WDR72: variants seen among roughly 807,000 people sequenced by gnomAD.
WDR72 encodes WD repeat-containing protein 72.
WDR72 carries 120 observed loss-of-function variants against 124.2 expected under a neutral mutation model. The observed-to-expected ratio is 0.97, with a 90% CI of 0.83 to 1.12. WDR72 has a LOEUF of 1.12. Among genes scored for constraint, WDR72 ranks in the 50% most tolerant of loss-of-function variants. The probability of loss-of-function intolerance (pLI) is 0.00; values close to 1 mark genes in which losing one functional copy is unlikely to be tolerated. For missense variants in WDR72, 1,387 were observed against 1,278.8 expected (o/e 1.08, Z -1.29); for synonymous variants, 452 against 441.7 (o/e 1.02, Z -0.29).
rs2016854687 is a variant in WDR72, at chr15:53,691,788, T to A, written c.1765+7962A>T. ...TACCATGAGGAAACTAGGGCTCTGG[T>A]CAATTTAGGGATTTGCCAAAGACTG... is the stretch of plus-strand genomic sequence containing the variant. On this transcript the variant is annotated intron_variant, in intron 13 of 19. Transcript: ENST00000360509. 3.3e-5 allele frequency among the ~76,000 whole-genome samples: 5 copies of A among 152,186 alleles called. 1 individual carries two copies. The highest frequency in any genetic ancestry group is 2.0e-4 in the Admixed American group (3 of 15,276).
Position 53,699,837 on chromosome 15 carries a change from C to T in WDR72, c.1678G>A (p.Val560Met), listed in dbSNP as rs369193227. 20 of 1,614,014 alleles carry T rather than the reference C, an allele frequency of 1.2e-5. No individual in the cohort carries two copies. Among genetic ancestry groups the T allele is most frequent in the Non-Finnish European group, 1.7e-5 (20 of 1,180,026 alleles). Reference protein sequence around the residue: ...LLHARKHLFPVRMIKWHPVEN... With the variant: ...LLHARKHLFPMRMIKWHPVEN... Reference sequence around the variant, plus strand: ...ACCGGGTGCCATTTTATCATCCTCACAGGAAAAAGGTGCTTCCGGGCATGC... The same window carrying T: ...ACCGGGTGCCATTTTATCATCCTCATAGGAAAAAGGTGCTTCCGGGCATGC... The change falls in exon 13 of 20, where the codon GTG becomes ATG. Residue 560 changes from valine (V) to methionine (M), a missense_variant. Physicochemically the swap from Val to Met is conservative, Grantham distance 21. Coordinates refer to ENST00000360509, the MANE Select transcript of WDR72 (RefSeq NM_182758.4).
At chr15:53,572,518 G>T (rs1233412789) in intron 18 of WDR72, among the ~76,000 whole-genome samples, 1 of 152,082 alleles carries the variant, frequency 6.6e-6, no homozygotes, top group African/African-American at 2.4e-5. Context: ...GGGATCTAGG[G>T]CTAGGCAAAA....
Position 53,685,635 on chromosome 15 carries a change from C to G in WDR72, c.1765+14115G>C, listed in dbSNP as rs1361174537. 6.1e-5 allele frequency among the ~76,000 whole-genome samples: 9 copies of G among 147,742 alleles called. No individual in the cohort carries two copies. The South Asian group carries it at 1.7e-3, about 28-fold the overall frequency. Reference sequence around the variant, plus strand: ...GAATGGAACCAAGTTGGAAAACACGCTGCAGGATATTATCCAGGAGAACTT... The same window carrying G: ...GAATGGAACCAAGTTGGAAAACACGGTGCAGGATATTATCCAGGAGAACTT... On this transcript the variant is annotated intron_variant, in intron 13 of 19. Transcript: ENST00000360509.
chr15:53,546,504 G>A (rs202007118), intron 18 of WDR72, among the ~76,000 whole-genome samples: 3 of 150,184 alleles, frequency 2.0e-5, no homozygotes, highest in Non-Finnish European at 4.4e-5. Context: ...TCACACTCTG[G>A]GGACTGTGGT....
At chr15:53,676,570 G>A (rs532742557) in intron 13 of WDR72, among the ~76,000 whole-genome samples, 44 of 152,326 alleles carry the variant, frequency 2.9e-4, no homozygotes, top group African/African-American at 1.0e-3. Flanking sequence ...GCCACAGCCA[G>A]CAAGGCCCTC....
At position 53,588,033 on chromosome 15, in the gene WDR72, A is replaced by G. The variant is rs1045419117; in HGVS notation, c.3148+9046T>C. Among the ~76,000 whole-genome samples, 23 of 152,148 alleles carry G rather than the reference A, an allele frequency of 1.5e-4. No homozygotes were observed. In the South Asian group the frequency reaches 1.7e-3, roughly 11 times the overall value. On this transcript the variant is annotated intron_variant, in intron 18 of 19. Transcript: ENST00000360509. ...GATATATTGCTCTTGAACAAAGTAG[A>G]TAAATTTGAAGCAATGCCCCTGGAC...
At chr15:53,658,529 G>C (rs1389509645) in intron 14 of WDR72, among the ~76,000 whole-genome samples, 1 of 152,162 alleles carries the variant, frequency 6.6e-6, no homozygotes, top group Non-Finnish European at 1.5e-5. Context: ...CAGCCACAAA[G>C]AACTCTGCCA....
At chr15:53,657,828 A>G (rs964671214) in intron 14 of WDR72, among the ~76,000 whole-genome samples, 1 of 152,222 alleles carries the variant, frequency 6.6e-6, no homozygotes, top group African/African-American at 2.4e-5. Context: ...GCAATTATAA[A>G]AACAATAACG....
At chr15:53,725,319 G>C (rs1275457279) in intron 2 of WDR72, among the ~76,000 whole-genome samples, 1 of 152,152 alleles carries the variant, frequency 6.6e-6, no homozygotes, top group Non-Finnish European at 1.5e-5. Context: ...TGCTGGCCGG[G>C]ATGTGGAGCA....
chr15:53,601,566 A>C (rs1313046312), intron 17 of WDR72, among the ~76,000 whole-genome samples: 1 of 152,068 alleles, frequency 6.6e-6, no homozygotes, highest in East Asian at 1.9e-4. Context: ...CAGAGTGGTA[A>C]GCTAGATAAA....
intron 14 of WDR72, among the ~76,000 whole-genome samples, chr15:53,641,744 G>T (rs1426957606): frequency 6.6e-6 from 1 of 151,624 alleles, no homozygotes; most frequent in East Asian, 1.9e-4. Flanking sequence ...CTTATGAATG[G>T]AATTTTAATT....
chr15:53,673,282 GA>G (rs984342412), intron 13 of WDR72, among the ~76,000 whole-genome samples: 2 of 151,662 alleles, frequency 1.3e-5, no homozygotes, highest in Non-Finnish European at 2.9e-5. Context: ...CTAAGTCTAT[GA>G]AAAAAAAGAA....
intron 18 of WDR72, among the ~76,000 whole-genome samples, chr15:53,529,164 A>ATATATATATATATATATTTTT (rs59003623): frequency 3.8e-5 from 3 of 78,162 alleles, no homozygotes; most frequent in African/African-American, 1.5e-4. Context: ...ATATATATAT[A>ATATATATATATATATATTTTT]TTTTTTTTTT....
chr15:53,539,770 A>G (rs1037342522), intron 18 of WDR72, among the ~76,000 whole-genome samples: 1 of 152,136 alleles, frequency 6.6e-6, no homozygotes, highest in African/African-American at 2.4e-5. Flanking sequence ...AGTTTCATAT[A>G]TTTGTGTCTA....
chr15:53,740,173 G>A (rs950744069), intron 1 of WDR72, among the ~76,000 whole-genome samples: 2 of 151,952 alleles, frequency 1.3e-5, no homozygotes, highest in African/African-American at 4.8e-5. Flanking sequence ...AAAATTATCC[G>A]CTCTGCATTG....
chr15:53,557,531 G>T (rs190311569), intron 18 of WDR72, among the ~76,000 whole-genome samples: 1 of 152,038 alleles, frequency 6.6e-6, no homozygotes, highest in African/African-American at 2.4e-5. Context: ...TCTGGATGTC[G>T]CAAGAAACAA....
intron 2 of WDR72, among the ~76,000 whole-genome samples, chr15:53,724,716 G>A (rs1321112443): frequency 3.9e-5 from 6 of 152,058 alleles, no homozygotes. Context: ...ATTTGCGTGG[G>A]GACACAGAGC....
In WDR72 at chr15:53,705,159, C is replaced by T. The variant is rs202057135; in HGVS notation, c.1177G>A (p.Asp393Asn). The T allele has an allele frequency of 1.6e-5, 26 of 1,614,012 alleles. No individual in the cohort carries two copies. In the African/African-American group the frequency reaches 3.3e-4, roughly 21 times the overall value. Residue 393 changes from aspartate (D) to asparagine (N), a missense_variant, in exon 11 of 20, where the codon GAC becomes AAC. Coordinates refer to ENST00000360509, the MANE Select transcript of WDR72 (RefSeq NM_182758.4). ...KHDTMSQSII[D>N]YFSGLKDGAG... ...CCATCTTTAAGCCCAGAGAAATAGT[C>T]AATAATACTTTGTGACATAGTATCA...
chr15:53,719,010 C>A (rs1229331232), intron 3 of WDR72, among the ~76,000 whole-genome samples: 1 of 151,988 alleles, frequency 6.6e-6, no homozygotes, highest in East Asian at 1.9e-4. Flanking sequence ...CACCTCAGCA[C>A]CTCAATAAAA....
Sources: gnomAD v4.1 joint callset for allele counts (sites outside exome capture counted in the v4.1 genomes callset) on GRCh38, gnomAD v4.1.1 for gene constraint, MANE v1.5 for transcripts, NCBI Gene and HGNC (gene_info 2026-07-23, HGNC 2026-07-21) for gene names.